PTPRK: variants seen among roughly 807,000 people sequenced by gnomAD.
PTPRK encodes receptor-type tyrosine-protein phosphatase kappa.
PTPRK carries 75 observed loss-of-function variants against 178.0 expected under a neutral mutation model. The ratio of observed to expected loss-of-function variants is 0.42; its 90% confidence interval spans 0.35 to 0.51. The LOEUF (loss-of-function observed/expected upper bound fraction) is 0.51. Ranked by LOEUF, PTPRK falls within the 20% of genes least tolerant of loss-of-function variation. PTPRK has a pLI of 0.02. For synonymous variants in PTPRK, 637 were observed against 620.6 expected (o/e 1.03, Z -0.39); for missense variants, 1,441 against 1,797.8 (o/e 0.80, Z 3.59).
intron 29 of PTPRK, among the ~76,000 whole-genome samples, chr6:127,972,581 A>G (rs534455312): frequency 6.6e-6 from 1 of 152,336 alleles, no homozygotes; most frequent in South Asian, 2.1e-4. Flanking sequence ...ACCATTTACA[A>G]TTTGATCAGA....
chr6:128,191,992 C>A (rs1304257628), intron 6 of PTPRK, among the ~76,000 whole-genome samples: 1 of 152,026 alleles, frequency 6.6e-6, no homozygotes, highest in Non-Finnish European at 1.5e-5. Flanking sequence ...TGTGACTACA[C>A]GAATTGCTCA....
intron 7 of PTPRK, among the ~76,000 whole-genome samples, chr6:128,113,728 C>T: frequency 6.6e-6 from 1 of 152,074 alleles, no homozygotes; most frequent in East Asian, 1.9e-4. Flanking sequence ...AACACCAATT[C>T]TCCTGCCTTG....
intron 1 of PTPRK, among the ~76,000 whole-genome samples, chr6:128,488,236 C>A (rs1247405036): frequency 1.3e-5 from 2 of 152,148 alleles, no homozygotes; most frequent in African/African-American, 4.8e-5. Context: ...AGATGAAGGC[C>A]AGAAAATTCA....
intron 3 of PTPRK, among the ~76,000 whole-genome samples, chr6:128,318,118 A>C (rs927218632): frequency 9.2e-5 from 14 of 152,164 alleles, no homozygotes; most frequent in Admixed American, 7.2e-4. Context: ...CAGCAAAAAA[A>C]TTGGAAGAGT....
At chr6:128,033,977 C>T (rs1389786677) in intron 13 of PTPRK, among the ~76,000 whole-genome samples, 1 of 152,090 alleles carries the variant, frequency 6.6e-6, no homozygotes, top group Non-Finnish European at 1.5e-5. Flanking sequence ...GATGCGGACA[C>T]CTCAAATACC....
chr6:128,093,878 G>GA (rs1267913729), intron 7 of PTPRK, among the ~76,000 whole-genome samples: 2 of 150,770 alleles, frequency 1.3e-5, no homozygotes, highest in Non-Finnish European at 3.0e-5. Flanking sequence ...GTTAAGCTAA[G>GA]AAAAAAAATA....
chr6:128,445,476 G>T (rs1846884860), intron 1 of PTPRK, among the ~76,000 whole-genome samples: 1 of 149,486 alleles, frequency 6.7e-6, no homozygotes, highest in African/African-American at 2.4e-5. Context: ...GAACTTCCCT[G>T]AGACTGGGTA....
intron 1 of PTPRK, among the ~76,000 whole-genome samples, chr6:128,496,193 G>A (rs964518797): frequency 9.2e-5 from 14 of 152,146 alleles, no homozygotes; most frequent in Admixed American, 5.2e-4. Context: ...AAGACTGAGA[G>A]TGTCTTTCAA....
At chr6:128,009,319 G>C (rs757699394) in intron 13 of PTPRK, 51 bp from the exon 14 acceptor site, 20 of 1,544,812 alleles carry the variant, frequency 1.3e-5, no homozygotes, top group South Asian at 6.0e-5. Context: ...AATAATCACA[G>C]AAAAAAATTA....
At chr6:128,312,994 C>T (rs1279021609) in intron 3 of PTPRK, among the ~76,000 whole-genome samples, 1 of 152,048 alleles carries the variant, frequency 6.6e-6, no homozygotes, top group African/African-American at 2.4e-5. Flanking sequence ...AAAGTGTATG[C>T]ATATAAAATA....
At chr6:128,440,619 A>G (rs1363061609) in intron 1 of PTPRK, among the ~76,000 whole-genome samples, 1 of 152,156 alleles carries the variant, frequency 6.6e-6, no homozygotes, top group African/African-American at 2.4e-5. Context: ...GTGTATATAT[A>G]CAATCAAGAA....
intron 22 of PTPRK, among the ~76,000 whole-genome samples, chr6:127,985,122 G>A (rs1365630947): frequency 6.6e-6 from 1 of 152,122 alleles, no homozygotes; most frequent in African/African-American, 2.4e-5. Context: ...CATGTAATTT[G>A]CTTTTAGTAT....
At chr6:128,266,230 C>T (rs1383247161) in intron 3 of PTPRK, among the ~76,000 whole-genome samples, 1 of 152,104 alleles carries the variant, frequency 6.6e-6, no homozygotes, top group Non-Finnish European at 1.5e-5. Flanking sequence ...ACTAGAAGAG[C>T]AAAAGGTCCT....
chr6:128,025,476 A>C (rs1242628586), intron 13 of PTPRK, among the ~76,000 whole-genome samples: 2 of 152,258 alleles, frequency 1.3e-5, no homozygotes, highest in Non-Finnish European at 2.9e-5. Context: ...CTCAAATAAG[A>C]TCAAATGCTG....
At chr6:128,255,210 C>T (rs1158698855) in intron 3 of PTPRK, among the ~76,000 whole-genome samples, 3 of 152,004 alleles carry the variant, frequency 2.0e-5, no homozygotes, top group Non-Finnish European at 4.4e-5. Context: ...AGGATGGGCT[C>T]GATCTCCTGA....
chr6:128,133,050 T>TA (rs1336089154), intron 7 of PTPRK, among the ~76,000 whole-genome samples: 3 of 152,142 alleles, frequency 2.0e-5, no homozygotes, highest in Admixed American at 6.5e-5. Context: ...AATTCCACCA[T>TA]AAAAAAGATA....
At chr6:128,299,556 G>T (rs1394810451) in intron 3 of PTPRK, among the ~76,000 whole-genome samples, 1 of 151,490 alleles carries the variant, frequency 6.6e-6, no homozygotes, top group East Asian at 1.9e-4. Context: ...AGAGCCCTCA[G>T]AAATAATGCC....
chr6:128,152,825 T>C (rs1050665343), intron 7 of PTPRK, among the ~76,000 whole-genome samples: 2 of 151,938 alleles, frequency 1.3e-5, no homozygotes, highest in Non-Finnish European at 1.5e-5. Flanking sequence ...TAAAATAATA[T>C]CATTTATATG....
intron 1 of PTPRK, among the ~76,000 whole-genome samples, chr6:128,447,871 C>A (rs1847236768): frequency 6.6e-6 from 1 of 152,116 alleles, no homozygotes; most frequent in Non-Finnish European, 1.5e-5. Flanking sequence ...ATCCGCCTGC[C>A]TTGACCTCCC....
Sources: allele counts gnomAD v4.1 joint callset (sites outside exome capture counted in the v4.1 genomes callset), GRCh38; gene constraint gnomAD v4.1.1; transcripts MANE v1.5; gene names NCBI Gene and HGNC (gene_info 2026-07-23, HGNC 2026-07-21).